Variants in SPAG17 observed in about 807,000 individuals in gnomAD.
SPAG17 encodes the protein sperm-associated antigen 17.
A neutral mutation model predicts 273.6 loss-of-function variants in SPAG17; 169 were observed. The observed-to-expected ratio is 0.62, with a 90% CI of 0.55 to 0.70. SPAG17 has a LOEUF of 0.70. Ranked by LOEUF, SPAG17 falls within the 30% of genes least tolerant of loss-of-function variation. SPAG17 has a pLI of 0.00. For synonymous variants in SPAG17, 825 were observed against 873.2 expected, an observed-to-expected ratio of 0.94 and a Z score of 0.97; for missense variants, 2,557 against 2,627.8, an observed-to-expected ratio of 0.97 and a Z score of 0.59.
At chr1:118,170,983 G>A (rs2102392686) in intron 1 of SPAG17, among the ~76,000 whole-genome samples, 1 of 152,288 alleles carries the variant, frequency 6.6e-6, no homozygotes, top group Non-Finnish European at 1.5e-5. Context: ...AACATGGTGT[G>A]TGCAGCGTTT....
At chr1:118,158,669 T>C (rs1213240307) in intron 1 of SPAG17, among the ~76,000 whole-genome samples, 2 of 152,320 alleles carry the variant, frequency 1.3e-5, no homozygotes, top group East Asian at 3.9e-4. Context: ...ACAGGGCTCA[T>C]TACAGACCTT....
At chr1:118,179,915 T>C (rs1046006167) in intron 1 of SPAG17, among the ~76,000 whole-genome samples, 1 of 152,058 alleles carries the variant, frequency 6.6e-6, no homozygotes, top group Non-Finnish European at 1.5e-5. Flanking sequence ...CTAGTTAAAA[T>C]GGCTTTTATC....
intron 1 of SPAG17, among the ~76,000 whole-genome samples, chr1:118,164,959 T>A (rs1012940429): frequency 1.3e-5 from 2 of 152,212 alleles, no homozygotes; most frequent in Non-Finnish European, 2.9e-5. Context: ...TTTTCCCAGC[T>A]CTCTGCCTTG....
At chr1:118,176,935 C>T (rs879478115) in intron 1 of SPAG17, among the ~76,000 whole-genome samples, 1 of 152,054 alleles carries the variant, frequency 6.6e-6, no homozygotes, top group African/African-American at 2.4e-5. Flanking sequence ...AATTAAACAA[C>T]TTGCTTCTGA....
intron 3 of SPAG17, among the ~76,000 whole-genome samples, chr1:118,123,464 C>T (rs1657531579): frequency 6.6e-6 from 1 of 152,184 alleles, no homozygotes. Flanking sequence ...CAATATTAAA[C>T]TGTCTATACA....
At chr1:118,026,825 C>T (rs1458968571) in intron 26 of SPAG17, among the ~76,000 whole-genome samples, 1 of 152,162 alleles carries the variant, frequency 6.6e-6, no homozygotes, top group Non-Finnish European at 1.5e-5. Context: ...GCTCTTTCCT[C>T]TTATGCTACG....
chr1:118,107,945 T>C (rs1188260079), intron 4 of SPAG17, among the ~76,000 whole-genome samples: 1 of 152,204 alleles, frequency 6.6e-6, no homozygotes, highest in East Asian at 1.9e-4. Context: ...GAATATGTAT[T>C]ACTATGTAAA....
At chr1:118,040,068 A>G (rs1649556399) in intron 22 of SPAG17, among the ~76,000 whole-genome samples, 1 of 152,178 alleles carries the variant, frequency 6.6e-6, no homozygotes, top group African/African-American at 2.4e-5. Flanking sequence ...ATTATGTTAT[A>G]GTAGCTATTA....
chr1:118,022,947 TC>T (rs1420370598), intron 28 of SPAG17, among the ~76,000 whole-genome samples: 1 of 152,140 alleles, frequency 6.6e-6, no homozygotes, highest in Non-Finnish European at 1.5e-5. Context: ...TGATATACCT[TC>T]TTGCAATTAT....
intron 23 of SPAG17, among the ~76,000 whole-genome samples, chr1:118,038,346 T>C (rs1183205420): frequency 6.6e-6 from 1 of 152,182 alleles, no homozygotes; most frequent in Non-Finnish European, 1.5e-5. Context: ...TACAGCCAAT[T>C]TGGAAGACGA....
intron 20 of SPAG17, among the ~76,000 whole-genome samples, chr1:118,047,068 T>C (rs1650441561): frequency 6.6e-6 from 1 of 152,232 alleles, no homozygotes; most frequent in African/African-American, 2.4e-5. Flanking sequence ...ACACTAAAAA[T>C]ATAGTTTTTG....
chr1:118,113,488 A>G (rs923890083), intron 4 of SPAG17, among the ~76,000 whole-genome samples: 1 of 152,082 alleles, frequency 6.6e-6, no homozygotes. Flanking sequence ...CCCCTTTACC[A>G]AGAGTATTTT....
chr1:118,152,629 A>G (rs1659448704), intron 1 of SPAG17, among the ~76,000 whole-genome samples: 1 of 152,144 alleles, frequency 6.6e-6, no homozygotes, highest in African/African-American at 2.4e-5. Context: ...ATAAAAATGT[A>G]TATTTTACTT....
chr1:118,004,365 G>GT (rs1658635039), intron 32 of SPAG17, among the ~76,000 whole-genome samples: 1 of 152,224 alleles, frequency 6.6e-6, no homozygotes, highest in Non-Finnish European at 1.5e-5. Context: ...GGACAAGGAT[G>GT]TTTAAGTCTG....
intron 44 of SPAG17, among the ~76,000 whole-genome samples, chr1:117,972,971 C>T (rs1246649479): frequency 2.0e-5 from 3 of 152,174 alleles, no homozygotes; most frequent in Non-Finnish European, 4.4e-5. Context: ...GCCTTATCCT[C>T]ATGCTAAGTC....
intron 17 of SPAG17, among the ~76,000 whole-genome samples, chr1:118,070,108 G>T (rs1321021188): frequency 1.3e-5 from 2 of 152,082 alleles, no homozygotes. Flanking sequence ...GTAACATTTT[G>T]TTTGTTTTTT....
chr1:118,110,371 A>G (rs1001807601), intron 4 of SPAG17, among the ~76,000 whole-genome samples: 1 of 152,344 alleles, frequency 6.6e-6, no homozygotes, highest in Admixed American at 6.5e-5. Context: ...AGAAAGAAAA[A>G]TGCCAAAATC....
chr1:117,978,100 C>T (rs1342980832), intron 43 of SPAG17, among the ~76,000 whole-genome samples: 2 of 152,198 alleles, frequency 1.3e-5, no homozygotes, highest in Non-Finnish European at 2.9e-5. Context: ...GCTTATTATT[C>T]TGTCATATCC....
Position 118,039,784 on chromosome 1 carries a change from G to A in SPAG17, c.3167-340C>T, listed in dbSNP as rs1432426231. 4.6e-5 allele frequency among the ~76,000 whole-genome samples: 7 copies of A among 152,084 alleles called. No homozygotes were observed. The East Asian group carries it at 9.7e-4, about 21-fold the overall frequency. On this transcript the variant is annotated intron_variant, in intron 22 of 48. Transcript: ENST00000336338. The stretch of plus-strand genomic sequence containing the variant: ...CAACCTGAATAGATATCCCTGAAAC[G>A]AAAATAAAAAGGCAGCATAGAATAT...
Sources: allele counts gnomAD v4.1 joint callset (sites outside exome capture counted in the v4.1 genomes callset), GRCh38; gene constraint gnomAD v4.1.1; transcripts MANE v1.5; gene names NCBI Gene and HGNC (gene_info 2026-07-23, HGNC 2026-07-21).